Variants in HORMAD2 observed in about 807,000 individuals in gnomAD.
The protein encoded by HORMAD2 is HORMA domain containing 2, also known as HORMA domain-containing protein 2.
In HORMAD2, 45 loss-of-function variants were observed where a neutral mutation model predicts 38.8. The observed-to-expected ratio is 1.16, with a 90% CI of 0.91 to 1.49. The LOEUF (loss-of-function observed/expected upper bound fraction) is 1.49, where lower values mean the gene tolerates loss of function less well. HORMAD2 is among the 40% of genes most tolerant of loss of function. The pLI is 0.00. For missense variants in HORMAD2, 338 were observed against 367.0 expected (o/e 0.92, Z 0.65); for synonymous variants, 126 against 122.8 (o/e 1.03, Z -0.17).
chr22:30,157,502 C>T (rs1255500723), intron 10 of HORMAD2, among the ~76,000 whole-genome samples: 3 of 151,758 alleles, frequency 2.0e-5, no homozygotes, highest in Admixed American at 6.6e-5. Flanking sequence ...GAACCCAGCC[C>T]CCTGGTTCTT....
chr22:30,091,877 T>C (rs183005182), intron 1 of HORMAD2, among the ~76,000 whole-genome samples: 1 of 152,088 alleles, frequency 6.6e-6, no homozygotes, highest in Admixed American at 6.6e-5. Flanking sequence ...TATTTTATTT[T>C]ATTTCATTTC....
the HORMAD2 span, among the ~76,000 whole-genome samples, chr22:30,186,597 G>T: frequency 6.6e-6 from 1 of 151,888 alleles, no homozygotes; most frequent in Admixed American, 6.6e-5. Context: ...AACTAATTCT[G>T]CCTCATCATT....
intron 3 of HORMAD2, among the ~76,000 whole-genome samples, chr22:30,103,104 G>C (rs8141503): frequency 0.01 from 1,561 of 152,140 alleles, 24 homozygotes; most frequent in African/African-American, 0.036. Flanking sequence ...TTTTAAGTTG[G>C]TCAATGGAGA....
intron 10 of HORMAD2, among the ~76,000 whole-genome samples, chr22:30,166,221 T>G: frequency 6.6e-6 from 1 of 152,126 alleles, no homozygotes; most frequent in East Asian, 1.9e-4. Context: ...GAGGAAACAT[T>G]ATTTCTAGTA....
chr22:30,139,259 T>TATATATATATATATAG (rs1555950213), intron 10 of HORMAD2, among the ~76,000 whole-genome samples: 1 of 99,358 alleles, frequency 1.0e-5, no homozygotes, highest in African/African-American at 3.1e-5. Context: ...CTGTACTATA[T>TATATATATATATATAG]ATATATATAT....
intron 10 of HORMAD2, among the ~76,000 whole-genome samples, chr22:30,123,820 G>A (rs577038602): frequency 7.9e-5 from 12 of 151,558 alleles, no homozygotes; most frequent in Admixed American, 5.3e-4. Flanking sequence ...ATAGGTGTGC[G>A]CCACCACACC....
chr22:30,172,285 C>G (rs141547552), intron 10 of HORMAD2, among the ~76,000 whole-genome samples: 337 of 152,232 alleles, frequency 2.2e-3, no homozygotes, highest in Non-Finnish European at 3.8e-3. Context: ...TGATAGGTCC[C>G]AAACACCTAG....
At chr22:30,169,874 A>C (rs1470558519) in intron 10 of HORMAD2, among the ~76,000 whole-genome samples, 1 of 152,188 alleles carries the variant, frequency 6.6e-6, no homozygotes, top group African/African-American at 2.4e-5. Context: ...TTACTGTACC[A>C]ACATATCAAG....
intron 2 of HORMAD2, among the ~76,000 whole-genome samples, chr22:30,096,231 G>A (rs1349441084): frequency 6.6e-6 from 1 of 152,052 alleles, no homozygotes; most frequent in Non-Finnish European, 1.5e-5. Flanking sequence ...TTACAATAAT[G>A]CTTTTCTGAA....
rs141351460 is a variant in HORMAD2, at chr22:30,128,941, G to A, written c.819+6727G>A. ...TAAGAGAATAATGCCCTGGCCGGGC[G>A]CGGTGGCTCACGCCTGTAACCCCAG... On this transcript the variant is annotated intron_variant, in intron 10 of 10. Transcript: ENST00000336726. Among the ~76,000 whole-genome samples the A allele has an allele frequency of 4.9e-4, 75 of 152,234 alleles. 1 individual carries two copies. The highest frequency in any genetic ancestry group is 3.4e-3 in the Middle Eastern group (1 of 294).
At chr22:30,138,318 G>A (rs568558590) in intron 10 of HORMAD2, among the ~76,000 whole-genome samples, 6 of 150,620 alleles carry the variant, frequency 4.0e-5, no homozygotes, top group East Asian at 3.9e-4. Context: ...GGTGTGCACC[G>A]CCATGCCTGG....
At chr22:30,085,125 A>C (rs2068548219) in intron 1 of HORMAD2, among the ~76,000 whole-genome samples, 1 of 151,656 alleles carries the variant, frequency 6.6e-6, no homozygotes, top group African/African-American at 2.4e-5. Context: ...CAGCCTGGGC[A>C]ACAGAGCCAG....
At chr22:30,186,870 G>T in the HORMAD2 span, among the ~76,000 whole-genome samples, 1 of 147,420 alleles carries the variant, frequency 6.8e-6, no homozygotes, top group African/African-American at 2.5e-5. Context: ...AGACAATAAG[G>T]CTTGCCATAA....
intron 10 of HORMAD2, among the ~76,000 whole-genome samples, chr22:30,157,756 C>T (rs1044302945): frequency 1.3e-5 from 2 of 152,034 alleles, no homozygotes; most frequent in Admixed American, 6.6e-5. Flanking sequence ...TGAAAGACTT[C>T]GGTATTGAAT....
upstream of HORMAD2, among the ~76,000 whole-genome samples, chr22:30,079,242 C>G (rs1358718234): frequency 2.6e-5 from 4 of 152,058 alleles, no homozygotes; most frequent in Non-Finnish European, 5.9e-5. Context: ...TGGAAAGCAC[C>G]ACAGGATACG....
intron 10 of HORMAD2, among the ~76,000 whole-genome samples, chr22:30,123,275 A>G (rs1037255133): frequency 6.6e-6 from 1 of 152,226 alleles, no homozygotes; most frequent in African/African-American, 2.4e-5. Flanking sequence ...TATAGCTAAC[A>G]TAGAAAGGGG....
intron 10 of HORMAD2, among the ~76,000 whole-genome samples, chr22:30,134,576 T>A (rs1923527326): frequency 6.6e-6 from 1 of 151,424 alleles, no homozygotes; most frequent in Admixed American, 6.6e-5. Flanking sequence ...TTCTGAAGTC[T>A]TAGCTCTCAA....
At chr22:30,203,394 CA>C in the HORMAD2 span, among the ~76,000 whole-genome samples, 82 of 127,798 alleles carry the variant, frequency 6.4e-4, 1 homozygote, top group African/African-American at 1.6e-3. Flanking sequence ...GACTCTGTCT[CA>C]AAAAAAAAAA....
In HORMAD2 at chr22:30,127,160, G is replaced by A. The variant is rs114389743; in HGVS notation, c.819+4946G>A. ...TTGTGAATATCTTCTTCAACCTTAC[G>A]AGTTGTTTTCTTAATGAGGTGTTTT... On this transcript the variant is annotated intron_variant, in intron 10 of 10. Coordinates refer to ENST00000336726, the MANE Select transcript of HORMAD2 (RefSeq NM_152510.4). 3.2e-3 allele frequency among the ~76,000 whole-genome samples: 469 copies of A among 147,278 alleles called. 1 individual carries two copies. The highest frequency in any genetic ancestry group is 0.011 in the African/African-American group (453 of 39,766).
Sources: gnomAD v4.1 joint callset for allele counts (sites outside exome capture counted in the v4.1 genomes callset) on GRCh38, gnomAD v4.1.1 for gene constraint, MANE v1.5 for transcripts, NCBI Gene and HGNC (gene_info 2026-07-23, HGNC 2026-07-21) for gene names.